Variants in AP5M1 observed in about 807,000 individuals in gnomAD.
The protein encoded by AP5M1 is AP-5 complex subunit mu-1.
A neutral mutation model predicts 52.3 loss-of-function variants in AP5M1; 44 were observed. The observed-to-expected ratio is 0.84, with a 90% CI of 0.66 to 1.08. AP5M1 has a LOEUF of 1.08. Among genes scored for constraint, AP5M1 ranks in the 50% least tolerant of loss-of-function variants. The pLI, the probability that AP5M1 is intolerant of heterozygous loss-of-function variation, is 0.00. For synonymous variants in AP5M1, 213 were observed against 199.0 expected (o/e 1.07, Z -0.59); for missense variants, 526 against 568.4 (o/e 0.93, Z 0.76).
Position 57,274,271 on chromosome 14 carries a change from CAG to C in AP5M1, c.105_106del (p.Arg35SerfsTer12). 2 of 1,612,488 alleles carry C rather than the reference CAG, an allele frequency of 1.2e-6. No individual in the cohort carries two copies. The highest frequency in any genetic ancestry group is 8.5e-7 in the Non-Finnish European group (1 of 1,179,066). On this transcript the variant is annotated frameshift_variant, in exon 2 of 8. Coordinates refer to ENST00000261558, the MANE Select transcript of AP5M1 (RefSeq NM_018229.4). LOFTEE classifies it high-confidence loss of function. ...GGTATCCAACTGTTGAAAAACGAGC[CAG>C]AGTCTTCAATGGAGCAAGTTATGTG... ...RRYPTVEKRA[R>X]VFNGASYVPV...
rs1298937008 is a variant in AP5M1, at chr14:57,296,745, C to CAA, written c.*7861_*7862insAA. ...ATAAGGTATGGCTTGGAATTTAGAA[C>CAA]TGCTGAGCAATATGGTTGAGAGGGA... On this transcript the variant is annotated 3_prime_UTR_variant, in exon 8 of 8. Coordinates refer to ENST00000261558, the MANE Select transcript of AP5M1 (RefSeq NM_018229.4). The CAA allele has an allele frequency of 6.6e-6, 1 of 152,002 alleles. No homozygotes were observed. Among genetic ancestry groups the CAA allele is most frequent in the Admixed American group, 6.6e-5 (1 of 15,214 alleles). The allele number at this position is 152,002 out of a possible 1,614,324, so 9.4% of individuals were successfully genotyped here.
intron 4 of AP5M1, among the ~76,000 whole-genome samples, 159 bp downstream of exon 4, chr14:57,282,387 ATC>A (rs916570310): frequency 1.4e-4 from 21 of 152,186 alleles, no homozygotes; most frequent in African/African-American, 5.1e-4. Flanking sequence ...CATAAAAATA[ATC>A]TGTTTACCTT....
chr14:57,293,453 C>A lies in AP5M1; in HGVS notation c.*4569C>A, dbSNP rs570453637. 2 of 151,748 alleles carry A rather than the reference C, an allele frequency of 1.3e-5. No individual in the cohort carries two copies. The highest frequency in any genetic ancestry group is 4.8e-5 in the African/African-American group (2 of 41,480). 9.4% of individuals were successfully genotyped at this position (151,748 alleles called of 1,614,324 possible). The stretch of plus-strand genomic sequence containing the variant: ...AAACAATGACTCAAAGAAGTGCATA[C>A]CTAACTTACGTTTGTGCCAAGCCAG... On this transcript the variant is annotated 3_prime_UTR_variant, in exon 8 of 8. Coordinates refer to ENST00000261558, the MANE Select transcript of AP5M1 (RefSeq NM_018229.4).
rs1885562754 is a variant in AP5M1, at chr14:57,296,816, G to A, written c.*7932G>A. ...AAATTCATAATTAATGTTAAGCTTT[G>A]TGCTCATATTATATGCCACTCTGGG... On this transcript the variant is annotated 3_prime_UTR_variant, in exon 8 of 8. Coordinates refer to ENST00000261558, the MANE Select transcript of AP5M1 (RefSeq NM_018229.4). The A allele has an allele frequency of 6.6e-6, 1 of 152,030 alleles. No individual in the cohort carries two copies. The highest frequency in any genetic ancestry group is 2.4e-5 in the African/African-American group (1 of 41,414). 9.4% of individuals were successfully genotyped at this position (152,030 alleles called of 1,614,324 possible). A position where few individuals can be genotyped will look rare whatever the true frequency, so the allele number is the denominator to read the frequency against.
chr14:57,281,938 A>G (rs1030482297), intron 3 of AP5M1, 151 bp from the exon 4 acceptor site: 23 of 616,380 alleles, frequency 3.7e-5, no homozygotes, highest in Non-Finnish European at 5.2e-5. Context: ...AAGAATCCCT[A>G]TCCTTAAGAT....
chr14:57,280,114 T>C (rs528094064), intron 2 of AP5M1, 81 bp from the exon 3 acceptor site: 2 of 999,524 alleles, frequency 2.0e-6, no homozygotes, highest in African/African-American at 3.2e-5. Flanking sequence ...TTGGGGAAAA[T>C]GACTTTGATA....
chr14:57,274,492 G>C lies in AP5M1; in HGVS notation c.323G>C (p.Cys108Ser). The C allele has an allele frequency of 6.2e-7, 1 of 1,614,168 alleles. No homozygotes were observed. The highest frequency in any genetic ancestry group is 1.1e-5 in the South Asian group (1 of 91,082). Residue 108 changes from cysteine to serine, a missense_variant, in exon 2 of 8, where the codon TGT (cysteine) becomes TCT (serine). This residue lies in a region of AP5M1 where 425 missense variants were observed against 430.6 expected (regional missense o/e 0.99). Transcript: ENST00000261558. ...CTGAAGAATGACATGATATATGCTT[G>C]TGTTCCACTAGTTGAACAAACTCTG... ...AFLKNDMIYACVPLVEQTLSP... is the reference protein window; with the variant it reads ...AFLKNDMIYASVPLVEQTLSP...
chr14:57,279,515 T>G (rs1885121006), intron 2 of AP5M1, among the ~76,000 whole-genome samples: 1 of 152,072 alleles, frequency 6.6e-6, no homozygotes. Context: ...ACAACAACAC[T>G]GGGGCCTGTC....
In AP5M1 at chr14:57,269,062, G is replaced by C. The variant is rs1594693687; in HGVS notation, c.-253G>C. The C allele has an allele frequency of 3.5e-6, 2 of 564,172 alleles. No homozygotes were observed. Among genetic ancestry groups the C allele is most frequent in the Non-Finnish European group, 6.2e-6 (2 of 322,688 alleles). 34.9% of individuals were successfully genotyped at this position (564,172 alleles called of 1,614,324 possible). Reference sequence around the variant, plus strand: ...AGAGGAAGAAAATACCGGAGTTGCAGGGTATAGGTAAATTTCTCAAGGTTA... The same window carrying C: ...AGAGGAAGAAAATACCGGAGTTGCACGGTATAGGTAAATTTCTCAAGGTTA... On this transcript the variant is annotated 5_prime_UTR_variant, in exon 1 of 8. Coordinates refer to ENST00000261558, the MANE Select transcript of AP5M1 (RefSeq NM_018229.4).
chr14:57,278,782 A>G (rs1885098869), intron 2 of AP5M1, among the ~76,000 whole-genome samples: 1 of 152,344 alleles, frequency 6.6e-6, no homozygotes, highest in African/African-American at 2.4e-5. Flanking sequence ...GGGAAATGCA[A>G]GAATCCAATA....
chr14:57,270,743 A>G (rs1884873174), intron 1 of AP5M1, among the ~76,000 whole-genome samples: 1 of 152,152 alleles, frequency 6.6e-6, no homozygotes, highest in Non-Finnish European at 1.5e-5. Flanking sequence ...TTCCCTTCCC[A>G]CTGACAGATA....
At position 57,297,693 on chromosome 14, in the gene AP5M1, T is replaced by G. The variant is rs1248100590; in HGVS notation, c.*8809T>G. Reference sequence around the variant, plus strand: ...CTACCTCCCTAATATTTCAAACTTCTTGTGGACAATGACATTCATTTTCAT... The same window carrying G: ...CTACCTCCCTAATATTTCAAACTTCGTGTGGACAATGACATTCATTTTCAT... On this transcript the variant is annotated 3_prime_UTR_variant, in exon 8 of 8. Coordinates refer to ENST00000261558, the MANE Select transcript of AP5M1 (RefSeq NM_018229.4). The G allele has an allele frequency of 1.3e-5, 2 of 152,108 alleles. No individual in the cohort carries two copies. Among genetic ancestry groups the G allele is most frequent in the African/African-American group, 4.8e-5 (2 of 41,424 alleles). The allele number at this position is 152,108 out of a possible 1,614,324, so 9.4% of individuals were successfully genotyped here.
chr14:57,280,335 A>G lies in AP5M1; in HGVS notation c.861A>G (p.Ala287=). The change falls in exon 3 of 8, where the codon GCA becomes GCG. Residue 287 remains alanine (A), a synonymous_variant. Transcript: ENST00000261558. ...TTCTGACTTCTAGTAGTATTGATGC[A>G]ATGGATGACTCTGCATTTAGTGGGC... ...SAILTSSSID[A]MDDSAFSGPY... The G allele has an allele frequency of 6.2e-7, 1 of 1,613,956 alleles. No homozygotes were observed. The highest frequency in any genetic ancestry group is 2.2e-5 in the East Asian group (1 of 44,852).
intron 6 of AP5M1, among the ~76,000 whole-genome samples, chr14:57,285,581 T>G (rs1212986954): frequency 6.6e-6 from 1 of 152,206 alleles, no homozygotes; most frequent in Non-Finnish European, 1.5e-5. Context: ...TTACATTACA[T>G]TCTAAATCAC....
At chr14:57,275,139 G>A (rs1449479224) in intron 2 of AP5M1, 2 of 491,534 alleles carry the variant, frequency 4.1e-6, no homozygotes, top group Admixed American at 6.9e-5. Flanking sequence ...AGTTTCTGTA[G>A]GGATTAGCTT....
intron 1 of AP5M1, among the ~76,000 whole-genome samples, chr14:57,270,044 G>C (rs1441182684): frequency 6.6e-6 from 1 of 152,138 alleles, no homozygotes; most frequent in East Asian, 1.9e-4. Context: ...TCCTGACCTC[G>C]TGATCCGCCC....
intron 2 of AP5M1, among the ~76,000 whole-genome samples, chr14:57,275,799 C>T (rs772836029): frequency 5.9e-5 from 9 of 152,108 alleles, no homozygotes; most frequent in Non-Finnish European, 4.4e-5. Flanking sequence ...AACAGGAAAA[C>T]ACAACGTAAA....
At chr14:57,283,047 T>C (rs771240074) in intron 5 of AP5M1, 28 bp downstream of exon 5, 1 of 1,570,582 alleles carries the variant, frequency 6.4e-7, no homozygotes, top group Non-Finnish European at 8.7e-7. Context: ...ATTGATTTTT[T>C]TTCTTTTCAT....
In AP5M1 at chr14:57,274,606, A is replaced by G; in HGVS notation, c.437A>G (p.Gln146Arg). 6.2e-7 allele frequency: 1 copy of G among 1,614,036 alleles called. No homozygotes were observed. The highest frequency in any genetic ancestry group is 1.1e-5 in the South Asian group (1 of 91,070). The change falls in exon 2 of 8, where the codon CAA becomes CGA. Residue 146 changes from glutamine to arginine, a missense_variant. Physicochemically the swap from Gln to Arg is conservative, Grantham distance 43. Coordinates refer to ENST00000261558, the MANE Select transcript of AP5M1 (RefSeq NM_018229.4). ...FGIQDFLYSG[Q>R]KNDSELNTKL... ...ATACAGGATTTTCTTTATTCAGGTC[A>G]AAAAAATGACTCTGAGCTGAATACA...
Sources: gnomAD v4.1 joint callset for allele counts (sites outside exome capture counted in the v4.1 genomes callset) on GRCh38, gnomAD v4.1.1 for gene constraint, gnomAD v4.1.1 regional missense constraint, MANE v1.5 for transcripts, NCBI Gene and HGNC (gene_info 2026-07-23, HGNC 2026-07-21) for gene names.